Variants in EYS observed in about 807,000 individuals in gnomAD.
The protein encoded by EYS is protein eyes shut homolog.
A neutral mutation model predicts 282.1 loss-of-function variants in EYS; 250 were observed. The observed-to-expected ratio is 0.89, with a 90% CI of 0.80 to 0.98. The LOEUF is 0.98. Among genes scored for constraint, EYS ranks in the 50% least tolerant of loss-of-function variants. The pLI is 0.00. For synonymous variants in EYS, 1,355 were observed against 1,282.9 expected, an observed-to-expected ratio of 1.06 and a Z score of -1.20; for missense variants, 4,016 against 3,709.0, an observed-to-expected ratio of 1.08 and a Z score of -2.15.
intron 24 of EYS, among the ~76,000 whole-genome samples, chr6:64,601,154 G>A (rs1766748407): frequency 6.6e-6 from 1 of 151,714 alleles, no homozygotes; most frequent in Non-Finnish European, 1.5e-5. Context: ...ATTTATCATG[G>A]CTTAGTATTC....
In EYS at chr6:64,460,604, T is replaced by A. The variant is rs148633966; in HGVS notation, c.5645-21252A>T. Among the ~76,000 whole-genome samples the A allele has an allele frequency of 8.6e-3, 1,310 of 152,348 alleles. 27 individuals carry two copies. Among genetic ancestry groups the A allele is most frequent in the African/African-American group, 0.029 (1,201 of 41,584 alleles). The stretch of plus-strand genomic sequence containing the variant: ...AGATAGAATTATACATTCTTTGTAT[T>A]TACTAATGTAGTATCTTTCTAAAGT... On this transcript the variant is annotated intron_variant, in intron 26 of 42. Coordinates refer to ENST00000503581, the MANE Select transcript of EYS (RefSeq NM_001142800.2).
intron 14 of EYS, among the ~76,000 whole-genome samples, chr6:64,949,605 G>A (rs112270154): frequency 6.6e-6 from 1 of 151,760 alleles, no homozygotes. Flanking sequence ...GTCACTTATT[G>A]GGGGTGTTAA....
intron 29 of EYS, among the ~76,000 whole-genome samples, chr6:64,349,541 G>A (rs144730688): frequency 1.3e-5 from 2 of 151,156 alleles, no homozygotes; most frequent in African/African-American, 4.8e-5. Context: ...TCAATACTAG[G>A]TAAGAGTTAA....
intron 30 of EYS, among the ~76,000 whole-genome samples, chr6:64,281,791 T>C (rs192001002): frequency 2.2e-4 from 33 of 152,258 alleles, no homozygotes; most frequent in African/African-American, 6.7e-4. Context: ...ATTTTCAATG[T>C]AAATGACTTG....
intron 15 of EYS, among the ~76,000 whole-genome samples, chr6:64,934,276 T>A (rs1035476289): frequency 4.6e-5 from 7 of 151,202 alleles, no homozygotes; most frequent in African/African-American, 1.7e-4. Context: ...AGAAAAAAAA[T>A]AAATAAATGA....
chr6:65,120,832 T>C (rs1354741536), intron 12 of EYS, among the ~76,000 whole-genome samples: 2 of 152,194 alleles, frequency 1.3e-5, no homozygotes, highest in African/African-American at 4.8e-5. Flanking sequence ...AATCTCAACC[T>C]GAACATTTTT....
chr6:64,836,597 AT>A (rs931949490), intron 19 of EYS, among the ~76,000 whole-genome samples: 1 of 151,478 alleles, frequency 6.6e-6, no homozygotes, highest in Non-Finnish European at 1.5e-5. Flanking sequence ...TTTTACCAAA[AT>A]TTTTTTCATA....
At chr6:64,102,687 A>G (rs1772872358) in intron 31 of EYS, among the ~76,000 whole-genome samples, 1 of 152,166 alleles carries the variant, frequency 6.6e-6, no homozygotes, top group South Asian at 2.1e-4. Flanking sequence ...AAACTTTTAC[A>G]TAATGATTTT....
At chr6:64,294,446 A>G (rs1159766849) in intron 30 of EYS, among the ~76,000 whole-genome samples, 1 of 152,230 alleles carries the variant, frequency 6.6e-6, no homozygotes, top group African/African-American at 2.4e-5. Context: ...TAGGACTTTT[A>G]GCTTCTCAAT....
At chr6:65,183,209 T>C (rs1245613173) in intron 12 of EYS, among the ~76,000 whole-genome samples, 1 of 152,038 alleles carries the variant, frequency 6.6e-6, no homozygotes, top group Non-Finnish European at 1.5e-5. Flanking sequence ...CCTGAACATT[T>C]ATTAAATGAT....
chr6:63,863,675 C>CTTTT (rs1284326554), intron 36 of EYS, among the ~76,000 whole-genome samples: 39 of 60,052 alleles, frequency 6.5e-4, no homozygotes, highest in Non-Finnish European at 8.7e-4. Context: ...TTTCTTTTTT[C>CTTTT]TTTTTTTTTT....
intron 34 of EYS, among the ~76,000 whole-genome samples, chr6:63,992,937 C>T (rs1767668724): frequency 6.6e-6 from 1 of 151,736 alleles, no homozygotes; most frequent in African/African-American, 2.4e-5. Context: ...ATAGTTTTCC[C>T]ATGCTGTTCT....
intron 22 of EYS, among the ~76,000 whole-genome samples, chr6:64,730,518 C>T (rs539214532): frequency 2.0e-5 from 3 of 152,188 alleles, no homozygotes; most frequent in South Asian, 2.1e-4. Context: ...CCTGCTCTCT[C>T]GCCAGGCTGG....
intron 5 of EYS, among the ~76,000 whole-genome samples, chr6:65,430,055 G>A (rs1767823455): frequency 6.6e-6 from 1 of 152,058 alleles, no homozygotes; most frequent in African/African-American, 2.4e-5. Flanking sequence ...AATTCACACT[G>A]CTACAAATGA....
At chr6:63,930,347 C>T (rs1312762712) in intron 35 of EYS, among the ~76,000 whole-genome samples, 1 of 123,746 alleles carries the variant, frequency 8.1e-6, no homozygotes, top group Non-Finnish European at 1.6e-5. Context: ...GTTTTGTAAC[C>T]TTGATTCAGT....
rs143660478 is a variant in EYS, at chr6:64,403,601, C to A, written c.5928-14761G>T. Among the ~76,000 whole-genome samples, 1,318 of 152,256 alleles carry A rather than the reference C, an allele frequency of 8.7e-3. 27 individuals are homozygous for A. The highest frequency in any genetic ancestry group is 0.029 in the African/African-American group (1,208 of 41,568). On this transcript the variant is annotated intron_variant, in intron 28 of 42. Coordinates refer to ENST00000503581, the MANE Select transcript of EYS (RefSeq NM_001142800.2). ...CTCGGACTCCTGACCTTGTGATCTG[C>A]CTGCCTCAGCTTCCCAAAGTGCTGG...
chr6:65,011,121 C>T (rs748883600), intron 13 of EYS, among the ~76,000 whole-genome samples: 1 of 152,198 alleles, frequency 6.6e-6, no homozygotes, highest in Non-Finnish European at 1.5e-5. Context: ...TTTCTCCCCT[C>T]AGGATGGCTA....
chr6:63,800,937 C>A (rs1770769292), intron 37 of EYS, among the ~76,000 whole-genome samples: 1 of 152,184 alleles, frequency 6.6e-6, no homozygotes, highest in Non-Finnish European at 1.5e-5. Flanking sequence ...GAACAGCCTG[C>A]ACAGAAGTGG....
chr6:64,800,198 G>A (rs1774494951), intron 22 of EYS, among the ~76,000 whole-genome samples: 1 of 152,010 alleles, frequency 6.6e-6, no homozygotes, highest in African/African-American at 2.4e-5. Flanking sequence ...TGCTGCAAAT[G>A]TACAGATGCC....
Sources: allele counts gnomAD v4.1 joint callset (sites outside exome capture counted in the v4.1 genomes callset), GRCh38; gene constraint gnomAD v4.1.1; transcripts MANE v1.5; gene names NCBI Gene and HGNC (gene_info 2026-07-23, HGNC 2026-07-21).